The following SAMD3 variants were observed in gnomAD, a reference collection of about 807,000 sequenced individuals.
The protein encoded by SAMD3 is sterile alpha motif domain-containing protein 3.
In SAMD3, 63 loss-of-function variants were observed where a neutral mutation model predicts 58.5. The observed-to-expected ratio is 1.08, with a 90% CI of 0.88 to 1.33. The LOEUF (loss-of-function observed/expected upper bound fraction) is 1.33. Among genes scored for constraint, SAMD3 ranks in the 40% most tolerant of loss-of-function variants. The pLI, the probability that SAMD3 is intolerant of heterozygous loss-of-function variation, is 0.00. For missense variants in SAMD3, 604 were observed against 608.4 expected (o/e 0.99, Z 0.08); for synonymous variants, 220 against 210.3 (o/e 1.05, Z -0.40).
chr6:130,192,396 G>C (rs937058873), intron 5 of SAMD3, among the ~76,000 whole-genome samples: 11 of 152,156 alleles, frequency 7.2e-5, no homozygotes, highest in African/African-American at 2.4e-4. Flanking sequence ...TGCCTTAACT[G>C]ATGACATTCC....
chr6:130,317,809 G>A (rs1776435820), intron 1 of SAMD3, among the ~76,000 whole-genome samples: 1 of 152,190 alleles, frequency 6.6e-6, no homozygotes, highest in Non-Finnish European at 1.5e-5. Context: ...AATAAGCAAG[G>A]TAAGCCCTAT....
chr6:130,329,237 T>C (rs891164798), intron 1 of SAMD3, among the ~76,000 whole-genome samples: 5 of 144,394 alleles, frequency 3.5e-5, no homozygotes, highest in African/African-American at 1.0e-4. Flanking sequence ...TAGCTAAATA[T>C]AGATTAACAG....
intron 2 of SAMD3, among the ~76,000 whole-genome samples, chr6:130,289,996 T>G (rs1287764703): frequency 2.6e-5 from 4 of 152,064 alleles, no homozygotes; most frequent in South Asian, 2.1e-4. Context: ...TGCCTTCTGT[T>G]GGCTTCATTT....
intron 2 of SAMD3, among the ~76,000 whole-genome samples, chr6:130,247,420 T>C (rs964509413): frequency 6.6e-6 from 1 of 151,580 alleles, no homozygotes; most frequent in African/African-American, 2.4e-5. Context: ...TGAGCCGAGA[T>C]TGTTCCACTG....
chr6:130,317,222 A>T (rs144136876), intron 1 of SAMD3, among the ~76,000 whole-genome samples: 1 of 152,186 alleles, frequency 6.6e-6, no homozygotes, highest in African/African-American at 2.4e-5. Flanking sequence ...ATGGAGCCCA[A>T]CGCTTTCCTA....
chr6:130,151,547 T>C (rs1789190289), intron 9 of SAMD3, among the ~76,000 whole-genome samples: 1 of 152,174 alleles, frequency 6.6e-6, no homozygotes, highest in African/African-American at 2.4e-5. Flanking sequence ...GTTCAAGCGA[T>C]TCTCCTGCCT....
chr6:130,218,832 G>A (rs1435148108), intron 1 of SAMD3, among the ~76,000 whole-genome samples: 5 of 152,162 alleles, frequency 3.3e-5, no homozygotes, highest in African/African-American at 9.7e-5. Context: ...AACGAGTCAT[G>A]TTTTGGAACC....
exon 1 of SAMD3, chr6:130,365,153 C>A (rs1583161396): frequency 2.0e-6 from 2 of 984,148 alleles, no homozygotes; most frequent in East Asian, 2.3e-4. Context: ...TCATCACCGT[C>A]TTTGCCGAAT....
chr6:130,331,696 G>A (rs946250821), intron 1 of SAMD3, among the ~76,000 whole-genome samples: 19 of 152,282 alleles, frequency 1.2e-4, no homozygotes, highest in African/African-American at 4.6e-4. Flanking sequence ...TCCAGTCTGG[G>A]CAACAGAGTG....
intron 2 of SAMD3, among the ~76,000 whole-genome samples, chr6:130,256,037 G>A (rs942173198): frequency 6.6e-5 from 10 of 150,928 alleles, no homozygotes; most frequent in African/African-American, 2.4e-4. Flanking sequence ...TTTGTGGTTT[G>A]ATGGTTTTTT....
intron 2 of SAMD3, among the ~76,000 whole-genome samples, chr6:130,261,702 A>C (rs532230497): frequency 6.6e-6 from 1 of 152,286 alleles, no homozygotes; most frequent in East Asian, 1.9e-4. Flanking sequence ...AAAGGAGACT[A>C]TGTAGTACTA....
At chr6:130,223,156 A>C (rs930168762), upstream of SAMD3, among the ~76,000 whole-genome samples, 3 of 152,180 alleles carry the variant, frequency 2.0e-5, no homozygotes, top group Non-Finnish European at 4.4e-5. Flanking sequence ...AAGAAATAAC[A>C]CTAACTAGAA....
chr6:130,320,019 C>T (rs1776533021), intron 1 of SAMD3, among the ~76,000 whole-genome samples: 1 of 151,628 alleles, frequency 6.6e-6, no homozygotes, highest in African/African-American at 2.4e-5. Flanking sequence ...CACACACGTC[C>T]CCCAACACAT....
At chr6:130,319,587 G>A (rs1334099155) in intron 1 of SAMD3, among the ~76,000 whole-genome samples, 1 of 152,066 alleles carries the variant, frequency 6.6e-6, no homozygotes, top group Non-Finnish European at 1.5e-5. Flanking sequence ...TTAGTTAAAG[G>A]AATTAATCAC....
chr6:130,241,328 G>A (rs1773352359), intron 2 of SAMD3, among the ~76,000 whole-genome samples: 1 of 148,304 alleles, frequency 6.7e-6, no homozygotes, highest in African/African-American at 2.5e-5. Flanking sequence ...TGATTCTCCT[G>A]CTTCAGCCTC....
chr6:130,252,057 A>G (rs1773756901), intron 2 of SAMD3, among the ~76,000 whole-genome samples: 2 of 151,428 alleles, frequency 1.3e-5, no homozygotes. Flanking sequence ...GTCTGTTTTC[A>G]CTTCATGTGT....
chr6:130,348,113 C>G (rs1352018348), intron 1 of SAMD3, among the ~76,000 whole-genome samples: 2 of 152,204 alleles, frequency 1.3e-5, no homozygotes, highest in Non-Finnish European at 2.9e-5. Flanking sequence ...GTACCAGCCA[C>G]TGCAAAAACA....
At chr6:130,206,158 C>T (rs1043028736) in intron 5 of SAMD3, among the ~76,000 whole-genome samples, 13 of 152,302 alleles carry the variant, frequency 8.5e-5, no homozygotes, top group East Asian at 7.7e-4. Flanking sequence ...TCCTCCCACA[C>T]AAGTGATTGC....
intron 2 of SAMD3, among the ~76,000 whole-genome samples, chr6:130,258,017 T>A (rs1453627052): frequency 6.6e-6 from 1 of 152,194 alleles, no homozygotes; most frequent in East Asian, 1.9e-4. Context: ...CATGTTATTG[T>A]ACATCATATT....
Sources: gnomAD v4.1 joint callset for allele counts (sites outside exome capture counted in the v4.1 genomes callset) on GRCh38, gnomAD v4.1.1 for gene constraint, MANE v1.5 for transcripts, NCBI Gene and HGNC (gene_info 2026-07-23, HGNC 2026-07-21) for gene names.